The following FOXP1 variants were observed in gnomAD, a reference collection of about 807,000 sequenced individuals.
The protein encoded by FOXP1 is forkhead box P1, also known as forkhead box protein P1.
Under a neutral mutation model 98.2 loss-of-function variants are expected in FOXP1, and 15 were observed. That is an observed-to-expected ratio of 0.15 (90% CI 0.10 to 0.24). FOXP1 has a LOEUF of 0.24. FOXP1 is among the 10% of genes least tolerant of loss of function. The pLI, the probability that FOXP1 is intolerant of heterozygous loss-of-function variation, is 1.00. For missense variants in FOXP1, 633 were observed against 848.5 expected (o/e 0.75, Z 3.15); for synonymous variants, 371 against 314.5 (o/e 1.18, Z -1.90).
chr3:71,396,199 G>C (rs529274123), intron 3 of FOXP1, among the ~76,000 whole-genome samples: 11 of 152,240 alleles, frequency 7.2e-5, no homozygotes, highest in Admixed American at 2.0e-4. Context: ...TGGAACAGTA[G>C]AGCATCAAAG....
intron 3 of FOXP1, among the ~76,000 whole-genome samples, chr3:71,429,859 G>A (rs2084534978): frequency 6.6e-6 from 1 of 152,192 alleles, no homozygotes; most frequent in African/African-American, 2.4e-5. Context: ...AATCAAAAAT[G>A]ATGTGTGGTT....
chr3:70,958,480 CAG>C lies in FOXP1; in HGVS notation c.*765_*766del, dbSNP rs1172961827. On this transcript the variant is annotated 3_prime_UTR_variant, in exon 21 of 21. Transcript: ENST00000649528. ...GTCTGAAGGAAGATGGAATGAGTGA[CAG>C]AAAGCTACAAACGAGAAATGACATT... 4 of 392,878 alleles carry C rather than the reference CAG, an allele frequency of 1.0e-5. No individual in the cohort carries two copies. The highest frequency in any genetic ancestry group is 3.6e-5 in the Admixed American group (1 of 28,096). The allele number at this position is 392,878 out of a possible 1,614,324, so 24.3% of individuals were successfully genotyped here. A position where few individuals can be genotyped will look rare whatever the true frequency, so the allele number is the denominator to read the frequency against.
At chr3:71,082,799 T>A (rs936705719) in intron 7 of FOXP1, among the ~76,000 whole-genome samples, 10 of 152,194 alleles carry the variant, frequency 6.6e-5, no homozygotes, top group Admixed American at 3.3e-4. Flanking sequence ...GCGCTCCCAA[T>A]CCAGGTTTGG....
intron 4 of FOXP1, among the ~76,000 whole-genome samples, chr3:71,304,065 T>C (rs1382724745): frequency 6.6e-6 from 1 of 152,218 alleles, no homozygotes; most frequent in African/African-American, 2.4e-5. Context: ...TTTTACTTCC[T>C]TTCTCCTCAT....
intron 2 of FOXP1, among the ~76,000 whole-genome samples, chr3:71,567,357 G>T: frequency 6.6e-6 from 1 of 152,032 alleles, no homozygotes; most frequent in South Asian, 2.1e-4. Flanking sequence ...CACTGCCACC[G>T]AGATAAACCG....
intron 7 of FOXP1, among the ~76,000 whole-genome samples, chr3:71,108,886 A>G (rs2057671586): frequency 6.6e-6 from 1 of 152,198 alleles, no homozygotes; most frequent in African/African-American, 2.4e-5. Flanking sequence ...ACAGTTCTGT[A>G]TCCCATGAAC....
intron 6 of FOXP1, among the ~76,000 whole-genome samples, chr3:71,188,726 G>C (rs1356858905): frequency 6.6e-6 from 1 of 152,134 alleles, no homozygotes; most frequent in East Asian, 1.9e-4. Context: ...CTTTTAATAG[G>C]TGGCTGTGAT....
At chr3:71,370,913 T>C (rs1417187532) in intron 3 of FOXP1, among the ~76,000 whole-genome samples, 1 of 151,010 alleles carries the variant, frequency 6.6e-6, no homozygotes, top group Non-Finnish European at 1.5e-5. Flanking sequence ...GCAATTCTCC[T>C]GTCTCAGCCT....
At chr3:71,065,375 G>A (rs915693237) in intron 7 of FOXP1, among the ~76,000 whole-genome samples, 2 of 152,198 alleles carry the variant, frequency 1.3e-5, no homozygotes, top group African/African-American at 2.4e-5. Context: ...CGCTCGCGGC[G>A]CCAAGCCGAC....
rs377186432 is a variant in FOXP1, at chr3:71,361,185, TA to T, written c.-167-1942del. Among the ~76,000 whole-genome samples the T allele has an allele frequency of 3.7e-3, 565 of 152,322 alleles. 3 individuals carry two copies. The highest frequency in any genetic ancestry group is 0.013 in the African/African-American group (531 of 41,566). On this transcript the variant is annotated intron_variant, in intron 3 of 20. Coordinates refer to ENST00000649528, the MANE Select transcript of FOXP1 (RefSeq NM_001349338.3). ...GGTAAAGGCTGTAATCGTTCAAACT[TA>T]ATTGGTGAACTCATTAATGAGCAAC...
intron 2 of FOXP1, among the ~76,000 whole-genome samples, chr3:71,565,365 T>C (rs2046829789): frequency 6.6e-6 from 1 of 152,178 alleles, no homozygotes; most frequent in Non-Finnish European, 1.5e-5. Flanking sequence ...GGATATTTTA[T>C]TTTGGTTGTT....
intron 5 of FOXP1, among the ~76,000 whole-genome samples, chr3:71,209,398 C>T (rs1017887821): frequency 6.6e-6 from 1 of 152,164 alleles, no homozygotes; most frequent in Non-Finnish European, 1.5e-5. Flanking sequence ...AACCTTAATG[C>T]TCCAGTCTCC....
chr3:71,302,286 G>T (rs1018200053), intron 4 of FOXP1, among the ~76,000 whole-genome samples: 1 of 152,030 alleles, frequency 6.6e-6, no homozygotes, highest in East Asian at 1.9e-4. Context: ...GCTAGTACTG[G>T]GGCCCGAGTC....
intron 4 of FOXP1, among the ~76,000 whole-genome samples, chr3:71,358,118 A>G (rs1414837216): frequency 6.6e-6 from 1 of 152,196 alleles, no homozygotes; most frequent in Non-Finnish European, 1.5e-5. Context: ...TGTGAAATTT[A>G]AACATACTTG....
intron 5 of FOXP1, among the ~76,000 whole-genome samples, chr3:71,199,632 C>T (rs1311551656): frequency 2.6e-5 from 4 of 151,768 alleles, no homozygotes; most frequent in African/African-American, 9.7e-5. Flanking sequence ...CCCAGCTACT[C>T]GGGAAGCTGA....
intron 4 of FOXP1, among the ~76,000 whole-genome samples, chr3:71,355,045 C>T (rs898153440): frequency 7.2e-5 from 11 of 152,160 alleles, no homozygotes; most frequent in Admixed American, 2.0e-4. Flanking sequence ...TAACCCCTTC[C>T]GGATGGGACA....
chr3:71,319,599 T>C (rs1218380081), intron 4 of FOXP1, among the ~76,000 whole-genome samples: 2 of 152,186 alleles, frequency 1.3e-5, no homozygotes, highest in South Asian at 2.1e-4. Context: ...AGAGCTGCTA[T>C]ACTCCCTGTC....
At chr3:71,467,031 A>G (rs1256495639) in intron 3 of FOXP1, among the ~76,000 whole-genome samples, 1 of 152,224 alleles carries the variant, frequency 6.6e-6, no homozygotes, top group African/African-American at 2.4e-5. Context: ...AAAGAAAAAA[A>G]TGCTGAAGGA....
intron 6 of FOXP1, among the ~76,000 whole-genome samples, chr3:71,171,555 C>T (rs1048702403): frequency 8.5e-5 from 13 of 152,188 alleles, no homozygotes; most frequent in African/African-American, 3.1e-4. Context: ...TGAGCAGTGT[C>T]ATCTATTATC....
Sources: gnomAD v4.1 joint callset for allele counts (sites outside exome capture counted in the v4.1 genomes callset) on GRCh38, gnomAD v4.1.1 for gene constraint, MANE v1.5 for transcripts, NCBI Gene and HGNC (gene_info 2026-07-23, HGNC 2026-07-21) for gene names.